ATP8B4: variants seen among roughly 807,000 people sequenced by gnomAD.
The protein encoded by ATP8B4 is ATPase phospholipid transporting 8B4 (putative).
A neutral mutation model predicts 145.6 loss-of-function variants in ATP8B4; 133 were observed. The ratio of observed to expected loss-of-function variants is 0.91; its 90% CI spans 0.79 to 1.05. The LOEUF (loss-of-function observed/expected upper bound fraction) is 1.05. Among genes scored for constraint, ATP8B4 ranks in the 50% least tolerant of loss-of-function variants. ATP8B4 has a pLI of 0.00. For synonymous variants in ATP8B4, 507 were observed against 492.9 expected (o/e 1.03, Z -0.38); for missense variants, 1,458 against 1,425.2 (o/e 1.02, Z -0.37).
At chr15:50,041,446 T>C (rs1215080744) in intron 5 of ATP8B4, among the ~76,000 whole-genome samples, 1 of 152,258 alleles carries the variant, frequency 6.6e-6, no homozygotes, top group Non-Finnish European at 1.5e-5. Context: ...GCTTGAGAAG[T>C]AGCATTTGTT....
intron 7 of ATP8B4, among the ~76,000 whole-genome samples, chr15:50,010,623 G>A (rs2048658720): frequency 1.3e-5 from 2 of 151,894 alleles, no homozygotes. Flanking sequence ...CTAGGGAAAT[G>A]GACAAGGTGA....
upstream of ATP8B4, among the ~76,000 whole-genome samples, chr15:50,124,050 C>T (rs1412684930): frequency 6.6e-6 from 1 of 152,164 alleles, no homozygotes; most frequent in African/African-American, 2.4e-5. Context: ...GGCCACCACG[C>T]CCCCTTCTCT....
intron 2 of ATP8B4, among the ~76,000 whole-genome samples, chr15:50,104,129 A>T (rs1380014322): frequency 6.6e-6 from 1 of 152,094 alleles, no homozygotes; most frequent in African/African-American, 2.4e-5. Context: ...TATAAAAATT[A>T]TAGAAGATAA....
intron 25 of ATP8B4, among the ~76,000 whole-genome samples, chr15:49,874,879 T>C (rs1320316686): frequency 6.6e-6 from 1 of 152,162 alleles, no homozygotes; most frequent in Non-Finnish European, 1.5e-5. Flanking sequence ...ATAAGAACTG[T>C]ATGTTTTATG....
chr15:50,025,357 C>G lies in ATP8B4; in HGVS notation c.362+13411G>C, dbSNP rs1416152448. On this transcript the variant is annotated intron_variant, in intron 6 of 27. Transcript: ENST00000284509. ...GCCTTGAAGGCCCTGCAGGGTCTGGCCTCTGATGGCTTCTCCAGCCCTGTC... is the reference window on the plus strand; with the variant it reads ...GCCTTGAAGGCCCTGCAGGGTCTGGGCTCTGATGGCTTCTCCAGCCCTGTC... 5.9e-5 allele frequency among the ~76,000 whole-genome samples: 9 copies of G among 152,298 alleles called. No individual in the cohort carries two copies. The East Asian group carries it at 1.7e-3, about 29-fold the overall frequency.
At chr15:50,123,874 A>G (rs1016752547), upstream of ATP8B4, among the ~76,000 whole-genome samples, 1 of 152,078 alleles carries the variant, frequency 6.6e-6, no homozygotes, top group South Asian at 2.1e-4. Context: ...CCCCAAGCAT[A>G]TCCTTTCCAT....
At chr15:50,073,017 TATACACAC>T (rs1318460055) in intron 3 of ATP8B4, among the ~76,000 whole-genome samples, 372 of 31,582 alleles carry the variant, frequency 0.012, 1 homozygote, top group Middle Eastern at 0.017. Context: ...TATATATATA[TATACACAC>T]ACACACACAC....
At chr15:50,071,059 C>T (rs1156652322) in intron 3 of ATP8B4, among the ~76,000 whole-genome samples, 1 of 152,142 alleles carries the variant, frequency 6.6e-6, no homozygotes, top group African/African-American at 2.4e-5. Context: ...TATGTTTTAA[C>T]TCAGAGATGG....
chr15:49,908,117 A>G (rs2038824798), intron 20 of ATP8B4: 3 of 455,946 alleles, frequency 6.6e-6, no homozygotes, highest in Non-Finnish European at 1.3e-5. Flanking sequence ...TTTCTTAAGA[A>G]CAAAATGAGG....
intron 1 of ATP8B4, among the ~76,000 whole-genome samples, chr15:50,154,934 C>T (rs1300653382): frequency 6.6e-6 from 1 of 151,960 alleles, no homozygotes; most frequent in East Asian, 1.9e-4. Context: ...GGAAATGATC[C>T]AGACATTTAA....
At chr15:50,097,174 C>T (rs1041183380) in intron 2 of ATP8B4, among the ~76,000 whole-genome samples, 3 of 152,176 alleles carry the variant, frequency 2.0e-5, no homozygotes, top group Non-Finnish European at 4.4e-5. Flanking sequence ...AAATAACACT[C>T]TTTAAACATA....
chr15:50,009,997 A>C (rs1457329593), intron 7 of ATP8B4, among the ~76,000 whole-genome samples: 1 of 152,170 alleles, frequency 6.6e-6, no homozygotes, highest in African/African-American at 2.4e-5. Flanking sequence ...TAATGAAAGA[A>C]GACTGTTTCT....
chr15:50,174,563 A>C (rs2044735386), intron 1 of ATP8B4, among the ~76,000 whole-genome samples: 1 of 151,940 alleles, frequency 6.6e-6, no homozygotes, highest in South Asian at 2.1e-4. Flanking sequence ...AAAAAAAAAA[A>C]AAAAACTTAG....
Position 49,868,849 on chromosome 15 carries a change from T to C in ATP8B4, c.3028-2365A>G, listed in dbSNP as rs77649549. Among the ~76,000 whole-genome samples the C allele has an allele frequency of 8.2e-4, 125 of 152,274 alleles. No individual in the cohort carries two copies. The East Asian group carries it at 0.015, about 19-fold the overall frequency. ...GGAAATATATATATTTAAATAACTA[T>C]GAAAATAAAGAGAAATCACTAGTAA... is the stretch of plus-strand genomic sequence containing the variant. On this transcript the variant is annotated intron_variant, in intron 25 of 27. Transcript: ENST00000284509.
At chr15:49,982,991 T>C (rs572687040) in intron 10 of ATP8B4, among the ~76,000 whole-genome samples, 43 of 152,270 alleles carry the variant, frequency 2.8e-4, no homozygotes, top group African/African-American at 1.0e-3. Context: ...ACCTCTTTGG[T>C]AGCTCCCTTC....
intron 3 of ATP8B4, among the ~76,000 whole-genome samples, chr15:50,050,576 A>G (rs1755886153): frequency 6.6e-6 from 1 of 152,166 alleles, no homozygotes; most frequent in East Asian, 1.9e-4. Context: ...AATTTCAAAC[A>G]CATGCCTTTT....
chr15:49,947,516 G>A (rs564929170), intron 14 of ATP8B4, among the ~76,000 whole-genome samples: 48 of 152,040 alleles, frequency 3.2e-4, no homozygotes, highest in African/African-American at 1.2e-3. Flanking sequence ...AATGGTCATG[G>A]AGTAGAAGAC....
intron 14 of ATP8B4, among the ~76,000 whole-genome samples, chr15:49,936,183 G>A (rs1164967153): frequency 2.0e-5 from 3 of 152,182 alleles, no homozygotes; most frequent in South Asian, 2.1e-4. Context: ...ATGGGCCTTC[G>A]TGGTGTCACC....
intron 5 of ATP8B4, among the ~76,000 whole-genome samples, chr15:50,040,719 T>C (rs1000037190): frequency 5.9e-5 from 9 of 152,170 alleles, no homozygotes; most frequent in African/African-American, 2.2e-4. Context: ...CTGCTCAGGT[T>C]TTACCAACAG....
Sources: gnomAD v4.1 joint callset for allele counts (sites outside exome capture counted in the v4.1 genomes callset) on GRCh38, gnomAD v4.1.1 for gene constraint, MANE v1.5 for transcripts, NCBI Gene and HGNC (gene_info 2026-07-23, HGNC 2026-07-21) for gene names.